CPS1: variants seen among roughly 807,000 people sequenced by gnomAD.
CPS1 encodes carbamoyl-phosphate synthase 1.
Under a neutral mutation model 174.6 loss-of-function variants are expected in CPS1, and 109 were observed. The ratio of observed to expected loss-of-function variants is 0.62; its 90% confidence interval spans 0.53 to 0.73. The LOEUF (loss-of-function observed/expected upper bound fraction) is 0.73, where lower values mean the gene tolerates loss of function less well. Ranked by LOEUF, CPS1 falls within the 30% of genes least tolerant of loss-of-function variation. The pLI is 0.00. For missense variants in CPS1, 1,689 were observed against 1,821.9 expected, an observed-to-expected ratio of 0.93 and a Z score of 1.33; for synonymous variants, 637 against 632.0, an observed-to-expected ratio of 1.01 and a Z score of -0.12.
At chr2:210,645,605 G>T (rs186899938) in intron 25 of CPS1, among the ~76,000 whole-genome samples, 1 of 152,136 alleles carries the variant, frequency 6.6e-6, no homozygotes, top group African/African-American at 2.4e-5. Context: ...GACCAGCCTG[G>T]ACCCCATCTC....
intron 35 of CPS1, among the ~76,000 whole-genome samples, chr2:210,675,232 C>G (rs1234977354): frequency 6.6e-6 from 1 of 152,186 alleles, no homozygotes; most frequent in Admixed American, 6.5e-5. Flanking sequence ...CAACACATTT[C>G]CATATGTTTT....
chr2:210,618,175 T>A (rs1375120552), intron 21 of CPS1: 3 of 152,062 alleles, frequency 2.0e-5, no homozygotes, highest in African/African-American at 7.2e-5. Flanking sequence ...CTGTTACAGA[T>A]CATTTATAAT....
intron 2 of CPS1, among the ~76,000 whole-genome samples, chr2:210,575,542 AC>A (rs1697670506): frequency 6.7e-6 from 1 of 149,752 alleles, no homozygotes; most frequent in South Asian, 2.1e-4. Flanking sequence ...ACACACACAC[AC>A]GATATATTTG....
chr2:210,606,642 T>C, intron 17 of CPS1, 89 bp from the exon 18 acceptor site: 4 of 1,171,096 alleles, frequency 3.4e-6, no homozygotes, highest in East Asian at 2.4e-5. Flanking sequence ...GACTGTTCTA[T>C]GTCTTGCATC....
At chr2:210,636,492 G>C (rs1280246086) in intron 21 of CPS1, among the ~76,000 whole-genome samples, 3 of 151,506 alleles carry the variant, frequency 2.0e-5, no homozygotes, top group African/African-American at 4.9e-5. Context: ...ATTGAATGCT[G>C]TCTGTGGGCC....
chr2:210,554,835 C>CTACACA (rs1491586762), upstream of CPS1, among the ~76,000 whole-genome samples: 2 of 42,478 alleles, frequency 4.7e-5, no homozygotes, highest in African/African-American at 1.3e-4. Context: ...ACAACCCTCA[C>CTACACA]TACACACACA....
chr2:210,578,084 C>T (rs529496957), intron 4 of CPS1, among the ~76,000 whole-genome samples: 15 of 152,116 alleles, frequency 9.9e-5, no homozygotes, highest in Non-Finnish European at 1.6e-4. Context: ...AAAACTTTAT[C>T]TTACACTTTT....
At chr2:210,664,084 C>G (rs535247240) in intron 33 of CPS1, among the ~76,000 whole-genome samples, 1 of 152,314 alleles carries the variant, frequency 6.6e-6, no homozygotes, top group Non-Finnish European at 1.5e-5. Context: ...GAATAAATGG[C>G]TGTCCTGTTT....
intron 1 of CPS1, among the ~76,000 whole-genome samples, chr2:210,571,884 TGTGTGTGTGTGTGTGTGTGTGTGTG>T (rs1697507201): frequency 6.8e-6 from 1 of 146,870 alleles, no homozygotes; most frequent in South Asian, 2.1e-4. Context: ...TGTGTGTGTG[TGTGTGTGTGTGTGTGTGTGTGTGTG>T]TATGTGTAAT....
At chr2:210,545,900 G>T (rs1484627993) in intron 1 of CPS1, among the ~76,000 whole-genome samples, 2 of 152,034 alleles carry the variant, frequency 1.3e-5, no homozygotes, top group African/African-American at 4.8e-5. Context: ...TGACATGGAG[G>T]TTTTTTATTT....
chr2:210,508,121 G>A (rs1037652432), intron 1 of CPS1, among the ~76,000 whole-genome samples: 3 of 149,992 alleles, frequency 2.0e-5, no homozygotes, highest in African/African-American at 7.3e-5. Context: ...TGACCACATA[G>A]TTGGAAGTAA....
At chr2:210,568,893 T>C (rs1697385596) in intron 1 of CPS1, among the ~76,000 whole-genome samples, 1 of 152,144 alleles carries the variant, frequency 6.6e-6, no homozygotes, top group Non-Finnish European at 1.5e-5. Flanking sequence ...AAAAAATTAC[T>C]GTTTAATATT....
At chr2:210,646,629 C>G (rs1700384063) in intron 25 of CPS1, among the ~76,000 whole-genome samples, 1 of 152,154 alleles carries the variant, frequency 6.6e-6, no homozygotes, top group Admixed American at 6.5e-5. Context: ...AATGGCCTAT[C>G]AGATATATGA....
In CPS1 at chr2:210,566,634, G is replaced by A. The variant is rs867377442; in HGVS notation, c.127-6664G>A. The stretch of plus-strand genomic sequence containing the variant: ...AGTAAGCTTAGAAAAAGAAAAAGAG[G>A]TTATAAGTCAAACAGACTGGGTTCA... On this transcript the variant is annotated intron_variant, in intron 1 of 37. Transcript: ENST00000233072. 2.6e-5 allele frequency among the ~76,000 whole-genome samples: 4 copies of A among 152,130 alleles called. No homozygotes were observed. The South Asian group carries it at 8.3e-4, about 32-fold the overall frequency.
In CPS1 at chr2:210,613,345, G is replaced by A. The variant is rs117655165; in HGVS notation, c.2568+1052G>A. On this transcript the variant is annotated intron_variant, in intron 20 of 37. Transcript: ENST00000233072. ...CTCCTCGCTCTTATGGTTTCTAAAT[G>A]GAAAATATTTAAGCCCTACTGAAAT... 4.3e-4 allele frequency among the ~76,000 whole-genome samples: 65 copies of A among 151,932 alleles called. No individual in the cohort carries two copies. In the East Asian group the frequency reaches 0.012, roughly 27 times the overall value.
Position 210,678,203 on chromosome 2 carries a change from C to A in CPS1, c.*218C>A. The A allele has an allele frequency of 1.6e-6, 1 of 614,946 alleles. No individual in the cohort carries two copies. Among genetic ancestry groups the A allele is most frequent in the East Asian group, 3.0e-5 (1 of 33,688 alleles). 38.1% of individuals were successfully genotyped at this position (614,946 alleles called of 1,614,324 possible). A position where few individuals can be genotyped will look rare whatever the true frequency, so the allele number is the denominator to read the frequency against. ...TAAGTTACTCTTCATGAGATTTCATCCATTTACTAATACTGTATTTTTGGT... is the reference window on the plus strand; with the variant it reads ...TAAGTTACTCTTCATGAGATTTCATACATTTACTAATACTGTATTTTTGGT... On this transcript the variant is annotated 3_prime_UTR_variant, in exon 38 of 38. Coordinates refer to ENST00000233072, the MANE Select transcript of CPS1 (RefSeq NM_001875.5).
chr2:210,517,696 A>C (rs1309385938), intron 1 of CPS1, among the ~76,000 whole-genome samples: 3 of 151,938 alleles, frequency 2.0e-5, no homozygotes, highest in Non-Finnish European at 4.4e-5. Flanking sequence ...TGTTTCTTCC[A>C]GTTTTCTTTT....
rs553187799 is a variant in CPS1, at chr2:210,646,249, T to C, written c.3142-1614T>C. 3.9e-5 allele frequency among the ~76,000 whole-genome samples: 6 copies of C among 152,288 alleles called. No individual in the cohort carries two copies. The South Asian group carries it at 8.3e-4, about 21-fold the overall frequency. The stretch of plus-strand genomic sequence containing the variant: ...TCTAAAACATTAACAACACTGCTGA[T>C]AAACCCAACATAATAAGGAAATAAA... On this transcript the variant is annotated intron_variant, in intron 25 of 37. Transcript: ENST00000233072.
intron 1 of CPS1, among the ~76,000 whole-genome samples, chr2:210,562,010 A>G (rs1030410869): frequency 6.6e-6 from 1 of 152,320 alleles, no homozygotes; most frequent in Non-Finnish European, 1.5e-5. Flanking sequence ...TATCACCACC[A>G]TACAGTAAAA....
Sources: gnomAD v4.1 joint callset for allele counts (sites outside exome capture counted in the v4.1 genomes callset) on GRCh38, gnomAD v4.1.1 for gene constraint, MANE v1.5 for transcripts, NCBI Gene and HGNC (gene_info 2026-07-23, HGNC 2026-07-21) for gene names.